The following PORCN variants were observed in gnomAD, a reference collection of about 807,000 sequenced individuals.
The protein encoded by PORCN is protein-serine O-palmitoleoyltransferase porcupine.
PORCN carries 1 observed loss-of-function variant against 43.0 expected under a neutral mutation model. That is an observed-to-expected ratio of 0.02 (90% confidence interval 0.01 to 0.11). The LOEUF is 0.11. PORCN is among the 10% of genes least tolerant of loss of function. The pLI, the probability that PORCN is intolerant of heterozygous loss-of-function variation, is 1.00. For synonymous variants in PORCN, 148 were observed against 166.4 expected (o/e 0.89, Z 0.85); for missense variants, 240 against 392.1 (o/e 0.61, Z 3.28).
At chrX:48,513,704 G>A (rs868918291) in intron 7 of PORCN, among the ~76,000 whole-genome samples, 8 of 112,534 alleles carry the variant, frequency 7.1e-5, no homozygotes, top group Admixed American at 4.7e-4. Context: ...CAACTAGTAG[G>A]GGGGGTGTGT....
chrX:48,518,269 G>A (rs2061734340), intron 14 of PORCN, among the ~76,000 whole-genome samples: 1 of 109,683 alleles, frequency 9.1e-6, no homozygotes, highest in Non-Finnish European at 1.9e-5. Flanking sequence ...TGCCCAGGCT[G>A]GAGTGCAATG....
rs782728945 is a variant in PORCN at position 48,514,177 on chromosome X, G to A, written c.719+36G>A. 7 of 1,212,175 alleles carry A rather than the reference G, an allele frequency of 5.8e-6. No homozygotes were observed. The South Asian group carries it at 1.1e-4, about 18-fold the overall frequency. The stretch of plus-strand genomic sequence containing the variant: ...AGAGCGGGGCCCAGGATGCTGACAT[G>A]TGGTGGGGTATCATGTTGGGACCTG... On this transcript the variant is annotated intron_variant, in intron 8 of 14. Coordinates refer to ENST00000326194, the MANE Select transcript of PORCN (RefSeq NM_203475.3).
intron 14 of PORCN, among the ~76,000 whole-genome samples, chrX:48,518,387 A>G (rs1214970219): frequency 9.2e-6 from 1 of 109,096 alleles, no homozygotes; most frequent in African/African-American, 3.4e-5. Context: ...TGCTGGGCTA[A>G]TTTTTGTACT....
At chrX:48,511,264 C>CTCTCCCTTTCTT (rs1425641054) in intron 2 of PORCN, 31 bp from the exon 3 acceptor site, 1 of 995,926 alleles carries the variant, frequency 1.0e-6, no homozygotes, top group Non-Finnish European at 1.3e-6. Context: ...CTCGTTCTCT[C>CTCTCCCTTTCTT]TCTCCCTTTC....
intron 3 of PORCN, 77 bp downstream of exon 3, chrX:48,511,564 C>T (rs1405171074): frequency 1.1e-6 from 1 of 917,529 alleles, no homozygotes; most frequent in Non-Finnish European, 1.6e-6. Context: ...ATGAAGTTGT[C>T]CAAGACAGGG....
At chrX:48,509,735 G>A (rs1304756059) in intron 1 of PORCN, 49 bp from the exon 2 acceptor site, 4 of 1,176,653 alleles carry the variant, frequency 3.4e-6, no homozygotes, top group Non-Finnish European at 4.6e-6. Context: ...TCCTTTAAGC[G>A]AGGTCTGCCC....
At chrX:48,511,978 C>A (rs1556973995) in intron 4 of PORCN, 43 bp downstream of exon 4, 1 of 1,073,120 alleles carries the variant, frequency 9.3e-7, no homozygotes, top group Non-Finnish European at 1.3e-6. Context: ...CCCCCTGCCC[C>A]ACTCCTCGTC....
At chrX:48,518,000 C>G (rs1408977850) in intron 14 of PORCN, among the ~76,000 whole-genome samples, 2 of 108,704 alleles carry the variant, frequency 1.8e-5, no homozygotes, top group Non-Finnish European at 3.8e-5. Flanking sequence ...CCTCACATTC[C>G]TGGGCTCAAG....
At chrX:48,513,438 G>A (rs112197195) in intron 7 of PORCN, among the ~76,000 whole-genome samples, 9,903 of 111,541 alleles carry the variant, frequency 0.089, 373 homozygotes, top group Middle Eastern at 0.17. Flanking sequence ...GGTTGTACCC[G>A]ACTCTGGTCT....
intron 14 of PORCN, among the ~76,000 whole-genome samples, chrX:48,518,934 C>T (rs1364331525): frequency 3.6e-5 from 4 of 111,207 alleles, no homozygotes; most frequent in Non-Finnish European, 7.5e-5. Flanking sequence ...CCCACCTCAG[C>T]CTCCCAAGTA....
rs1556975207 is a variant in PORCN at position 48,515,925 on chromosome X, C to T, written c.1059C>T (p.Ser353=). ...TCCACCTGGCTGCGGTCCTGCTGTCCCTGGCTTTTATCACTTACGTGGAGC... is the reference window on the plus strand; with the variant it reads ...TCCACCTGGCTGCGGTCCTGCTGTCTCTGGCTTTTATCACTTACGTGGAGC... ...FSFHLAAVLL[S]LAFITYVEHV... The change falls in exon 12 of 15, where the codon TCC becomes TCT. Residue 353 remains serine, a synonymous_variant. Coordinates refer to ENST00000326194, the MANE Select transcript of PORCN (RefSeq NM_203475.3). The T allele has an allele frequency of 3.3e-6, 4 of 1,211,556 alleles. No homozygotes were observed. The highest frequency in any genetic ancestry group is 2.2e-5 in the Admixed American group (1 of 46,039).
chrX:48,511,748 C>G (rs1423931076), intron 3 of PORCN, 144 bp from the exon 4 acceptor site: 16 of 611,284 alleles, frequency 2.6e-5, no homozygotes, highest in Non-Finnish European at 4.5e-5. Flanking sequence ...GAGGAGGGAG[C>G]CTGGGAGAAT....
rs781963812 is a variant in PORCN at position 48,520,676 on chromosome X, G to T, written c.*200G>T. The T allele has an allele frequency of 6.4e-6, 3 of 465,516 alleles. No individual in the cohort carries two copies. The highest frequency in any genetic ancestry group is 5.9e-5 in the South Asian group (2 of 33,762). 38.4% of individuals were successfully genotyped at this position (465,516 alleles called of 1,213,427 possible). The stretch of plus-strand genomic sequence containing the variant: ...CCCCACCCCACCACAAGGCAGGAAG[G>T]GGGTGGTGCCTGCTGGGGCCTAGAG... On this transcript the variant is annotated 3_prime_UTR_variant, in exon 15 of 15. Coordinates refer to ENST00000326194, the MANE Select transcript of PORCN (RefSeq NM_203475.3).
rs370092224 is a variant in PORCN at position 48,514,301 on chromosome X, C to G, written c.781C>G (p.Leu261Val). 4.1e-6 allele frequency: 5 copies of G among 1,211,867 alleles called. No homozygotes were observed. Among genetic ancestry groups the G allele is most frequent in the Non-Finnish European group, 4.5e-6 (4 of 895,463 alleles). ...CTTCAGCAACTATTTTGTGGGCTTT[C>G]TTTCCGAGGCCACGGCCACGTTGGC... ...FHFSNYFVGF[L>V]SEATATLAGA... The change falls in exon 9 of 15, where the codon CTT becomes GTT. Residue 261 changes from leucine (L) to valine (V), a missense_variant. Transcript: ENST00000326194.
At chrX:48,515,691 T>C (rs782700600) in intron 10 of PORCN, 26 bp from the exon 11 acceptor site, 6 of 1,185,699 alleles carry the variant, frequency 5.1e-6, no homozygotes, top group Non-Finnish European at 6.9e-6. Context: ...TCAGGAGAAT[T>C]TTATCCCACA....
chrX:48,510,003 C>A, intron 2 of PORCN, 47 bp downstream of exon 2: 1 of 1,018,289 alleles, frequency 9.8e-7, no homozygotes, highest in Middle Eastern at 3.3e-4. Context: ...CCATATCAGA[C>A]CTCCCACATT....
chrX:48,511,574 G>T (rs2061675998), intron 3 of PORCN, 87 bp downstream of exon 3: 2 of 844,191 alleles, frequency 2.4e-6, no homozygotes, highest in South Asian at 2.0e-5. Context: ...CCAAGACAGG[G>T]AGGGTGGTGA....
At chrX:48,516,001 G>T (rs781948274) in intron 12 of PORCN, 48 bp downstream of exon 12, 8 of 1,202,651 alleles carry the variant, frequency 6.7e-6, no homozygotes, top group African/African-American at 1.8e-5. Flanking sequence ...TTGGTGGGGG[G>T]GCTGGAGACA....
At chrX:48,509,756 C>T (rs782193930) in intron 1 of PORCN, 28 bp from the exon 2 acceptor site, 14 of 1,192,944 alleles carry the variant, frequency 1.2e-5, no homozygotes, top group Non-Finnish European at 1.6e-5. Flanking sequence ...CACGGACACC[C>T]GCTCCCTCTG....
Sources: gnomAD v4.1 joint callset for allele counts (sites outside exome capture counted in the v4.1 genomes callset) on GRCh38, gnomAD v4.1.1 for gene constraint, MANE v1.5 for transcripts, NCBI Gene and HGNC (gene_info 2026-07-23, HGNC 2026-07-21) for gene names.